Variants in CLTCL1 observed in about 807,000 individuals in gnomAD.
CLTCL1 encodes clathrin heavy chain like 1.
In CLTCL1, 159 loss-of-function variants were observed where a neutral mutation model predicts 190.0. The observed-to-expected ratio is 0.84, with a 90% CI of 0.74 to 0.95. The LOEUF (loss-of-function observed/expected upper bound fraction) is 0.95. Among genes scored for constraint, CLTCL1 ranks in the 40% least tolerant of loss-of-function variants. The pLI is 0.00. For missense variants in CLTCL1, 1,878 were observed against 2,033.4 expected, an observed-to-expected ratio of 0.92 and a Z score of 1.47; for synonymous variants, 752 against 769.6, an observed-to-expected ratio of 0.98 and a Z score of 0.38.
In CLTCL1 at chr22:19,196,636, C is replaced by T; in HGVS notation, c.3894G>A (p.Glu1298=). The T allele has an allele frequency of 1.2e-6, 2 of 1,613,296 alleles. No individual in the cohort carries two copies. The highest frequency in any genetic ancestry group is 1.7e-6 in the Non-Finnish European group (2 of 1,179,654). ...CYYQDRGYFE[E]LILLLEAALG... is the part of the protein sequence containing the mutation. ...GGGCCGCTTCCAACAGCAAGATCAG[C>T]TCCTCAAAGTAGCCACGATCCTAGC... The change falls in exon 25 of 33, where the codon GAG becomes GAA. Residue 1298 remains glutamate (E), a synonymous_variant. Coordinates refer to ENST00000427926, the MANE Select transcript of CLTCL1 (RefSeq NM_007098.4).
At chr22:19,219,496 T>G (rs1345584231) in intron 18 of CLTCL1, among the ~76,000 whole-genome samples, 1 of 150,126 alleles carries the variant, frequency 6.7e-6, no homozygotes, top group Non-Finnish European at 1.5e-5. Context: ...ATTTATTTAT[T>G]TTTTTGAGAT....
At chr22:19,224,487 A>G (rs1263200359) in intron 13 of CLTCL1, among the ~76,000 whole-genome samples, 1 of 152,190 alleles carries the variant, frequency 6.6e-6, no homozygotes, top group African/African-American at 2.4e-5. Flanking sequence ...TGGGCACCAC[A>G]TGCTGAGCCC....
chr22:19,221,315 C>T lies in CLTCL1; in HGVS notation c.2796+62G>A. 8 of 1,339,452 alleles carry T rather than the reference C, an allele frequency of 6.0e-6. No homozygotes were observed. In the East Asian group the frequency reaches 2.0e-4, roughly 34 times the overall value. 83.0% of individuals were successfully genotyped at this position (1,339,452 alleles called of 1,614,324 possible). A position where few individuals can be genotyped will look rare whatever the true frequency, so the allele number is the denominator to read the frequency against. ...CCCTGATCAGCTCCCCACAGGCACA[C>T]CTTTGAAAGCTTCCCTGGGAGCCCA... On this transcript the variant is annotated intron_variant, in intron 17 of 32. Transcript: ENST00000427926.
Position 19,204,809 on chromosome 22 carries a change from C to G in CLTCL1, c.3601-3316G>C, listed in dbSNP as rs1227534466. On this transcript the variant is annotated intron_variant, in intron 22 of 32. Coordinates refer to ENST00000427926, the MANE Select transcript of CLTCL1 (RefSeq NM_007098.4). ...AGGCGATGGGCTGGGATCTGGCCCC[C>G]AGGCTGAAGGTTACTGGCCCCTATC... Among the ~76,000 whole-genome samples, 3 of 152,220 alleles carry G rather than the reference C, an allele frequency of 2.0e-5. No homozygotes were observed. In the East Asian group the frequency reaches 5.8e-4, roughly 29 times the overall value.
Position 19,232,505 on chromosome 22 carries a change from C to A in CLTCL1, c.1615G>T (p.Asp539Tyr). 1.2e-6 allele frequency: 2 copies of A among 1,614,010 alleles called. No homozygotes were observed. Among genetic ancestry groups the A allele is most frequent in the South Asian group, 2.2e-5 (2 of 91,082 alleles). ...CTAATGTTGGCCAGCGGCTCCTCGTCCTGCACTAGCATTCGAGAAAACTGC... is the reference window on the plus strand; with the variant it reads ...CTAATGTTGGCCAGCGGCTCCTCGTACTGCACTAGCATTCGAGAAAACTGC... Reference protein sequence around the residue: ...GLQFSRMLVQDEEPLANISQI... With the variant: ...GLQFSRMLVQYEEPLANISQI... The change falls in exon 10 of 33, where the codon GAC becomes TAC. Residue 539 changes from aspartate (D) to tyrosine (Y), a missense_variant. Transcript: ENST00000427926.
intron 14 of CLTCL1, among the ~76,000 whole-genome samples, chr22:19,223,262 T>G (rs527325932): frequency 7.4e-4 from 112 of 152,262 alleles, no homozygotes; most frequent in African/African-American, 2.6e-3. Flanking sequence ...TCCCCTCATG[T>G]GGTCCCGTGC....
Position 19,188,105 on chromosome 22 carries a change from G to A in CLTCL1, c.4324-14C>T, listed in dbSNP as rs1555929401. On this transcript the variant is annotated splice_polypyrimidine_tract_variant and intron_variant, in intron 27 of 32. Transcript: ENST00000427926. ...CAGCTGACCTGCCTGACAAGTTGAG[G>A]GAACCGTCAAGGCACTTGGCCAAGC... 3 of 1,613,324 alleles carry A rather than the reference G, an allele frequency of 1.9e-6. No homozygotes were observed. The African/African-American group carries it at 4.0e-5, about 22-fold the overall frequency.
chr22:19,221,092 A>T (rs145871304), intron 17 of CLTCL1, among the ~76,000 whole-genome samples: 1 of 152,184 alleles, frequency 6.6e-6, no homozygotes, highest in African/African-American at 2.4e-5. Context: ...GGAGCTCACG[A>T]GTCAGGCCAA....
In CLTCL1 at chr22:19,196,602, C is replaced by G; in HGVS notation, c.3928G>C (p.Glu1310Gln). 1 of 1,613,738 alleles carries G rather than the reference C, an allele frequency of 6.2e-7. No individual in the cohort carries two copies. Among genetic ancestry groups the G allele is most frequent in the East Asian group, 2.2e-5 (1 of 44,874 alleles). The change falls in exon 25 of 33, where the codon GAG becomes CAG. Residue 1310 changes from glutamate (E) to glutamine (Q), a missense_variant. Glu to Gln is a conservative substitution (Grantham distance 29). Coordinates refer to ENST00000427926, the MANE Select transcript of CLTCL1 (RefSeq NM_007098.4). Reference sequence around the variant, plus strand: ...GTGAACATGCCCATGTGGGCCCGCTCCAGGCCCAGGGCCGCTTCCAACAGC... The same window carrying G: ...GTGAACATGCCCATGTGGGCCCGCTGCAGGCCCAGGGCCGCTTCCAACAGC... ...ILLLEAALGL[E>Q]RAHMGMFTEL...
At chr22:19,232,853 G>T in intron 9 of CLTCL1, 1 of 571,016 alleles carries the variant, frequency 1.8e-6, no homozygotes, top group Non-Finnish European at 3.0e-6. Context: ...AACACAGCCT[G>T]CCAGTAAGCA....
In CLTCL1 at chr22:19,253,237, T is replaced by A. The variant is rs1052746057; in HGVS notation, c.519+722A>T. Among the ~76,000 whole-genome samples, 5 of 152,266 alleles carry A rather than the reference T, an allele frequency of 3.3e-5. No homozygotes were observed. In the South Asian group the frequency reaches 1.0e-3, roughly 32 times the overall value. ...TGGGACTTTGATACAATACCTACAG[T>A]GCAGACACACGGGGGCCAGAGATGC... On this transcript the variant is annotated intron_variant, in intron 3 of 32. Transcript: ENST00000427926.
chr22:19,254,980 A>C (rs2086702619), intron 2 of CLTCL1, among the ~76,000 whole-genome samples: 2 of 152,238 alleles, frequency 1.3e-5, no homozygotes, highest in Non-Finnish European at 2.9e-5. Flanking sequence ...ATTATACAAA[A>C]TTTAGACCTA....
In CLTCL1 at chr22:19,223,901, T is replaced by C. The variant is rs781917140; in HGVS notation, c.2282A>G (p.Asn761Ser). Residue 761 changes from asparagine (N) to serine (S), a missense_variant, in exon 14 of 33, where the codon AAC (asparagine) becomes AGC (serine). Coordinates refer to ENST00000427926, the MANE Select transcript of CLTCL1 (RefSeq NM_007098.4). ...SSCYNPERVKNFLKEAKLTDQ... is the reference protein window; with the variant it reads ...SSCYNPERVKSFLKEAKLTDQ... ...AGCACTGGAACACACCTTCAGGAAG[T>C]TCTTCACACGCTCTGGGTTGTAGCA... The C allele has an allele frequency of 1.9e-6, 3 of 1,613,624 alleles. No homozygotes were observed. In the South Asian group the frequency reaches 3.3e-5, roughly 18 times the overall value.
chr22:19,275,978 C>T lies in CLTCL1; in HGVS notation c.43-148G>A, dbSNP rs557283288. The T allele has an allele frequency of 2.1e-4, 144 of 685,218 alleles. No individual in the cohort carries two copies. In the East Asian group the frequency reaches 2.6e-3, roughly 13 times the overall value. The allele number at this position is 685,218 out of a possible 1,614,324, so 42.4% of individuals were successfully genotyped here. A position where few individuals can be genotyped will look rare whatever the true frequency, so the allele number is the denominator to read the frequency against. ...AAGGAAACATTAGCTTGCTTTTCTA[C>T]GCCTGTAATAGATCCACCCAAGCCT... is the stretch of plus-strand genomic sequence containing the variant. On this transcript the variant is annotated intron_variant, in intron 1 of 32. Transcript: ENST00000427926.
In CLTCL1 at chr22:19,252,871, A is replaced by G. The variant is rs551973209; in HGVS notation, c.519+1088T>C. ...CTACTAAAAATACAAAAAATTAGCCAGGCATGGTGGTGGGCGCCTGTAGTC... is the reference window on the plus strand; with the variant it reads ...CTACTAAAAATACAAAAAATTAGCCGGGCATGGTGGTGGGCGCCTGTAGTC... On this transcript the variant is annotated intron_variant, in intron 3 of 32. Coordinates refer to ENST00000427926, the MANE Select transcript of CLTCL1 (RefSeq NM_007098.4). Among the ~76,000 whole-genome samples the G allele has an allele frequency of 8.8e-3, 1,333 of 152,156 alleles. 7 individuals carry two copies. Among genetic ancestry groups the G allele is most frequent in the Non-Finnish European group, 0.011 (747 of 67,988 alleles).
chr22:19,274,199 T>C (rs1001360042), intron 2 of CLTCL1, among the ~76,000 whole-genome samples: 10 of 152,158 alleles, frequency 6.6e-5, no homozygotes, highest in Non-Finnish European at 1.3e-4. Context: ...CAGTGGCTCA[T>C]GCCTATAATC....
intron 20 of CLTCL1, 122 bp from the exon 21 acceptor site, chr22:19,209,236 G>T: frequency 1.2e-6 from 1 of 808,358 alleles, no homozygotes. Context: ...TCAGTCAGAA[G>T]CAATCAGGTA....
chr22:19,222,886 G>A lies in CLTCL1; in HGVS notation c.2293-77C>T. The A allele has an allele frequency of 2.0e-6, 3 of 1,520,596 alleles. No individual in the cohort carries two copies. In the South Asian group the frequency reaches 3.7e-5, roughly 19 times the overall value. The allele number at this position is 1,520,596 out of a possible 1,614,324, so 94.2% of individuals were successfully genotyped here. A position where few individuals can be genotyped will look rare whatever the true frequency, so the allele number is the denominator to read the frequency against. Reference sequence around the variant, plus strand: ...CAGACCTCGGACTCATTGCACACATGGGACGGCTCTGTCTCTGCAGCAGAG... The same window carrying A: ...CAGACCTCGGACTCATTGCACACATAGGACGGCTCTGTCTCTGCAGCAGAG... On this transcript the variant is annotated intron_variant, in intron 14 of 32. Transcript: ENST00000427926.
rs1163984710 is a variant in CLTCL1, at chr22:19,239,957, T to C, written c.682-569A>G. The stretch of plus-strand genomic sequence containing the variant: ...TAACTTTCTTTTTCTTCTTTTTTTT[T>C]TTTTTTTTTAAGATGGAGTCTCGCT... On this transcript the variant is annotated intron_variant, in intron 4 of 32. Transcript: ENST00000427926. Among the ~76,000 whole-genome samples, 6 of 151,326 alleles carry C rather than the reference T, an allele frequency of 4.0e-5. No individual in the cohort carries two copies. In the East Asian group the frequency reaches 1.2e-3, roughly 29 times the overall value.
Sources: allele counts gnomAD v4.1 joint callset (sites outside exome capture counted in the v4.1 genomes callset), GRCh38; gene constraint gnomAD v4.1.1; transcripts MANE v1.5; gene names NCBI Gene and HGNC (gene_info 2026-07-23, HGNC 2026-07-21).